The following GFRA1 variants were observed in gnomAD, a reference collection of about 807,000 sequenced individuals.
GFRA1 encodes the protein GDNF family receptor alpha 1.
A neutral mutation model predicts 51.6 loss-of-function variants in GFRA1; 16 were observed. The observed-to-expected ratio is 0.31, with a 90% CI of 0.21 to 0.47. The LOEUF is 0.47. Among genes scored for constraint, GFRA1 ranks in the 20% least tolerant of loss-of-function variants. The probability of loss-of-function intolerance (pLI) is 1.00; values close to 1 mark genes in which losing one functional copy is unlikely to be tolerated. For synonymous variants in GFRA1, 270 were observed against 241.3 expected (o/e 1.12, Z -1.10); for missense variants, 530 against 594.3 (o/e 0.89, Z 1.13).
At chr10:116,155,432 C>G (rs530340854) in intron 5 of GFRA1, among the ~76,000 whole-genome samples, 197 of 152,130 alleles carry the variant, frequency 1.3e-3, no homozygotes, top group Middle Eastern at 3.4e-3. Flanking sequence ...CAGAAGGTCC[C>G]AAGATGAAAA....
intron 4 of GFRA1, among the ~76,000 whole-genome samples, chr10:116,251,159 C>A (rs74158415): frequency 2.0e-4 from 30 of 152,332 alleles, no homozygotes; most frequent in African/African-American, 7.2e-4. Context: ...AATTCATATG[C>A]CTCCTGTACT....
chr10:116,095,047 T>C (rs1472356258), intron 7 of GFRA1, among the ~76,000 whole-genome samples: 30 of 152,194 alleles, frequency 2.0e-4, no homozygotes, highest in Admixed American at 1.9e-3. Context: ...GGGCCCTCCA[T>C]TCATCATCCT....
At chr10:116,070,759 CTTTTT>C (rs773344299) in intron 9 of GFRA1, among the ~76,000 whole-genome samples, 13 of 97,750 alleles carry the variant, frequency 1.3e-4, no homozygotes, top group African/African-American at 3.8e-4. Flanking sequence ...AGTCTGGAGC[CTTTTT>C]TTTTTTTTTT....
intron 5 of GFRA1, among the ~76,000 whole-genome samples, chr10:116,191,982 G>A (rs569230854): frequency 5.3e-5 from 8 of 152,276 alleles, no homozygotes; most frequent in East Asian, 1.9e-4. Context: ...AGCCGAGATC[G>A]CGCCATTGCA....
intron 6 of GFRA1, among the ~76,000 whole-genome samples, chr10:116,117,557 GTGGATGGATGGATGGA>G (rs75233028): frequency 2.1e-5 from 2 of 97,348 alleles, no homozygotes; most frequent in African/African-American, 8.4e-5. Flanking sequence ...GGGTGGGTGT[GTGGATGGATGGATGGA>G]TGGATGGATG....
intron 4 of GFRA1, among the ~76,000 whole-genome samples, chr10:116,266,085 C>T (rs921092277): frequency 2.0e-5 from 3 of 152,150 alleles, no homozygotes; most frequent in African/African-American, 7.2e-5. Flanking sequence ...ACTGATAATA[C>T]CTCAGCAAGG....
intron 9 of GFRA1, among the ~76,000 whole-genome samples, chr10:116,085,562 A>G (rs1164978352): frequency 6.6e-6 from 1 of 152,164 alleles, no homozygotes; most frequent in African/African-American, 2.4e-5. Context: ...GGAGACAGCC[A>G]TGCAGGCAGA....
chr10:116,192,969 C>T (rs1963404790), intron 5 of GFRA1, among the ~76,000 whole-genome samples: 1 of 152,140 alleles, frequency 6.6e-6, no homozygotes, highest in East Asian at 1.9e-4. Context: ...CAAATCCCCA[C>T]CGGCTTTGTA....
intron 9 of GFRA1, among the ~76,000 whole-genome samples, chr10:116,085,621 C>T (rs1429736875): frequency 2.0e-5 from 3 of 152,164 alleles, no homozygotes; most frequent in Non-Finnish European, 2.9e-5. Flanking sequence ...TCCGCCCAGG[C>T]AAGAATCCTA....
At chr10:116,200,886 G>A (rs942293434) in intron 5 of GFRA1, among the ~76,000 whole-genome samples, 4 of 152,224 alleles carry the variant, frequency 2.6e-5, no homozygotes, top group Admixed American at 6.5e-5. Context: ...TGGGGAGAAA[G>A]CGAGTTAATG....
intron 5 of GFRA1, among the ~76,000 whole-genome samples, chr10:116,185,686 C>T (rs1438511018): frequency 1.3e-5 from 2 of 152,198 alleles, no homozygotes; most frequent in East Asian, 1.9e-4. Flanking sequence ...TGCTCCCATG[C>T]GTGGCTTCTC....
At chr10:116,128,474 C>A (rs1957964793) in intron 5 of GFRA1, among the ~76,000 whole-genome samples, 1 of 151,898 alleles carries the variant, frequency 6.6e-6, no homozygotes, top group African/African-American at 2.4e-5. Context: ...GCCTGTAATC[C>A]CAGCACTCTG....
chr10:116,112,755 C>T (rs943098858), intron 6 of GFRA1, among the ~76,000 whole-genome samples: 19 of 152,324 alleles, frequency 1.2e-4, no homozygotes, highest in Admixed American at 9.8e-4. Context: ...CCGGAGCGAC[C>T]GCACAGCTGA....
chr10:116,139,512 C>G (rs867283047), intron 5 of GFRA1, among the ~76,000 whole-genome samples: 1 of 152,230 alleles, frequency 6.6e-6, no homozygotes, highest in East Asian at 1.9e-4. Flanking sequence ...TTGAATGGTT[C>G]CATTTAAGCA....
intron 5 of GFRA1, among the ~76,000 whole-genome samples, chr10:116,148,706 T>C (rs939706134): frequency 6.6e-6 from 1 of 152,140 alleles, no homozygotes; most frequent in Admixed American, 6.5e-5. Context: ...AAATATAAAA[T>C]GATCATTTCC....
At chr10:116,084,366 CCAT>C (rs1362093722) in intron 9 of GFRA1, among the ~76,000 whole-genome samples, 2 of 152,234 alleles carry the variant, frequency 1.3e-5, no homozygotes, top group Non-Finnish European at 2.9e-5. Context: ...CACTGGTCCT[CCAT>C]GTCTCACCCA....
chr10:116,102,942 C>G (rs1956873363), intron 6 of GFRA1, among the ~76,000 whole-genome samples: 1 of 152,152 alleles, frequency 6.6e-6, no homozygotes. Context: ...ATTAGAGATT[C>G]AAAGTCTTGG....
At chr10:116,274,447 G>A (rs1844144609), upstream of GFRA1, among the ~76,000 whole-genome samples, 1 of 152,210 alleles carries the variant, frequency 6.6e-6, no homozygotes, top group Non-Finnish European at 1.5e-5. Context: ...AAAAGGGCAC[G>A]GGCTTTGGTT....
intron 5 of GFRA1, among the ~76,000 whole-genome samples, chr10:116,197,642 G>T (rs1963994826): frequency 6.6e-6 from 1 of 152,144 alleles, no homozygotes. Flanking sequence ...TCCAAATGAG[G>T]TCACGTTCTG....
Sources: gnomAD v4.1 joint callset for allele counts (sites outside exome capture counted in the v4.1 genomes callset) on GRCh38, gnomAD v4.1.1 for gene constraint, MANE v1.5 for transcripts, NCBI Gene and HGNC (gene_info 2026-07-23, HGNC 2026-07-21) for gene names.